The following CELA1 variants were observed in gnomAD, a reference collection of about 807,000 sequenced individuals.
CELA1 encodes the protein chymotrypsin like elastase 1, also known as chymotrypsin-like elastase family member 1.
A neutral mutation model predicts 34.8 loss-of-function variants in CELA1; 28 were observed. That is an observed-to-expected ratio of 0.80 (90% CI 0.60 to 1.10). The LOEUF (loss-of-function observed/expected upper bound fraction) is 1.10. CELA1 is among the 50% of genes least tolerant of loss of function. CELA1 has a pLI of 0.00. For synonymous variants in CELA1, 140 were observed against 129.8 expected, an observed-to-expected ratio of 1.08 and a Z score of -0.53; for missense variants, 288 against 327.5, an observed-to-expected ratio of 0.88 and a Z score of 0.93.
chr12:51,330,717 T>C (rs1946464195), intron 6 of CELA1, among the ~76,000 whole-genome samples: 1 of 152,204 alleles, frequency 6.6e-6, no homozygotes, highest in Admixed American at 6.5e-5. Context: ...ATGCCTGTAA[T>C]CCCAGCACTT....
At chr12:51,343,124 T>C (rs752908096) in intron 3 of CELA1, among the ~76,000 whole-genome samples, 1 of 152,176 alleles carries the variant, frequency 6.6e-6, no homozygotes, top group Non-Finnish European at 1.5e-5. Context: ...CTGAATATCT[T>C]GTAAACTGGG....
intron 6 of CELA1, among the ~76,000 whole-genome samples, chr12:51,330,108 C>T (rs1370980708): frequency 6.6e-6 from 1 of 152,154 alleles, no homozygotes; most frequent in Non-Finnish European, 1.5e-5. Context: ...TATGAGCTTC[C>T]TGAGACAAAA....
intron 2 of CELA1, among the ~76,000 whole-genome samples, 182 bp downstream of exon 2, chr12:51,345,613 C>G (rs981552193): frequency 2.3e-4 from 35 of 152,226 alleles, no homozygotes; most frequent in Non-Finnish European, 5.9e-5. Context: ...TAAATCCCCT[C>G]CTCCAAGCCT....
chr12:51,334,732 C>T (rs1396545957), intron 6 of CELA1, among the ~76,000 whole-genome samples: 1 of 152,246 alleles, frequency 6.6e-6, no homozygotes, highest in Non-Finnish European at 1.5e-5. Context: ...CTGCGCCTGG[C>T]CTAATCCTTT....
chr12:51,345,125 C>CA (rs34904841), intron 2 of CELA1, among the ~76,000 whole-genome samples: 268 of 147,298 alleles, frequency 1.8e-3, no homozygotes, highest in South Asian at 5.4e-3. Flanking sequence ...AACTCCATCT[C>CA]AAAAAAAAAA....
intron 7 of CELA1, 127 bp downstream of exon 7, chr12:51,329,557 A>G: frequency 1.0e-6 from 1 of 979,644 alleles, no homozygotes; most frequent in Non-Finnish European, 1.5e-6. Flanking sequence ...AAGGGAAGGG[A>G]GTAAACACAT....
chr12:51,332,503 C>G (rs763667488), intron 6 of CELA1, among the ~76,000 whole-genome samples: 6 of 152,120 alleles, frequency 3.9e-5, no homozygotes, highest in Non-Finnish European at 5.9e-5. Context: ...GGTGGGAGAA[C>G]TAGAGTAGCT....
chr12:51,341,803 ATTAT>A (rs1946537234), intron 4 of CELA1, among the ~76,000 whole-genome samples: 1 of 152,072 alleles, frequency 6.6e-6, no homozygotes, highest in African/African-American at 2.4e-5. Context: ...CACCGTTTTA[ATTAT>A]TTATTTTCCA....
At chr12:51,341,494 T>C in intron 4 of CELA1, 114 bp from the exon 5 acceptor site, 1 of 1,171,314 alleles carries the variant, frequency 8.5e-7, no homozygotes, top group Non-Finnish European at 1.2e-6. Flanking sequence ...AGTGACGACT[T>C]TGAAGAAGGA....
At position 51,329,011 on chromosome 12, in the gene CELA1, CT is replaced by C. The variant is rs17860368; in HGVS notation, c.760-418del. The stretch of plus-strand genomic sequence containing the variant: ...GTGGCTCATGCCTGTAATCCCAGCA[CT>C]TTGGGTGGCAGGTGGATCACTTGAG... On this transcript the variant is annotated intron_variant, in intron 7 of 7. Coordinates refer to ENST00000293636, the MANE Select transcript of CELA1 (RefSeq NM_001971.6). Among the ~76,000 whole-genome samples the C allele has an allele frequency of 9.1e-3, 1,382 of 152,174 alleles. 55 individuals carry two copies. The East Asian group carries it at 0.14, about 15-fold the overall frequency.
intron 2 of CELA1, among the ~76,000 whole-genome samples, 198 bp downstream of exon 2, chr12:51,345,597 G>A (rs1223138002): frequency 6.6e-6 from 1 of 152,128 alleles, no homozygotes; most frequent in Non-Finnish European, 1.5e-5. Context: ...GACTGTGGTT[G>A]GTGTATAAAT....
intron 6 of CELA1, among the ~76,000 whole-genome samples, chr12:51,332,496 G>C (rs1946475949): frequency 6.6e-6 from 1 of 152,198 alleles, no homozygotes; most frequent in African/African-American, 2.4e-5. Context: ...CCCATGGGGT[G>C]GGAGAACTAG....
At chr12:51,338,675 C>T (rs1315542084) in intron 6 of CELA1, among the ~76,000 whole-genome samples, 3 of 152,194 alleles carry the variant, frequency 2.0e-5, no homozygotes, top group Admixed American at 2.0e-4. Context: ...TAACACTTAA[C>T]CACATTGTAT....
chr12:51,345,344 C>G (rs1443144441), intron 2 of CELA1, among the ~76,000 whole-genome samples: 1 of 152,190 alleles, frequency 6.6e-6, no homozygotes, highest in African/African-American at 2.4e-5. Context: ...CCCAGCTGCC[C>G]TGTTAGCAAA....
At chr12:51,343,617 C>T in intron 3 of CELA1, 136 bp downstream of exon 3, 1 of 599,750 alleles carries the variant, frequency 1.7e-6, no homozygotes, top group Non-Finnish European at 3.0e-6. Context: ...TACCTCCCTG[C>T]AGGCCCTGAA....
chr12:51,337,595 T>G (rs1946508240), intron 6 of CELA1, among the ~76,000 whole-genome samples: 1 of 149,908 alleles, frequency 6.7e-6, no homozygotes, highest in Non-Finnish European at 1.5e-5. Flanking sequence ...TGAGCAACTG[T>G]GACTGTGTTC....
At chr12:51,343,592 G>A (rs533182523) in intron 3 of CELA1, among the ~76,000 whole-genome samples, 161 bp downstream of exon 3, 3 of 152,196 alleles carry the variant, frequency 2.0e-5, no homozygotes, top group Non-Finnish European at 2.9e-5. Flanking sequence ...TCCAAAGTTT[G>A]TACTTTCACC....
intron 6 of CELA1, among the ~76,000 whole-genome samples, chr12:51,338,296 A>ACG (rs1946512945): frequency 2.5e-5 from 1 of 40,596 alleles, no homozygotes; most frequent in Non-Finnish European, 5.3e-5. Flanking sequence ...ACATACACAT[A>ACG]CGCATACATA....
In CELA1 at chr12:51,342,630, T is replaced by G; in HGVS notation, c.271A>C (p.Ser91Arg). ...SQNDGTEQYV[S>R]VQKIVVHPYW... ...GGATGCACCACGATCTTCTGCACAC[T>G]CACGTACTGCTCAGTGCCATCATTC... is the stretch of plus-strand genomic sequence containing the variant. Residue 91 changes from serine to arginine, a missense_variant, in exon 4 of 8, where the codon AGT (serine) becomes CGT (arginine). By Grantham distance (110) the Ser-to-Arg change is moderately radical. Coordinates refer to ENST00000293636, the MANE Select transcript of CELA1 (RefSeq NM_001971.6). The G allele has an allele frequency of 6.2e-7, 1 of 1,614,112 alleles. No individual in the cohort carries two copies. Among genetic ancestry groups the G allele is most frequent in the South Asian group, 1.1e-5 (1 of 91,082 alleles).
Sources: allele counts gnomAD v4.1 joint callset (sites outside exome capture counted in the v4.1 genomes callset), GRCh38; gene constraint gnomAD v4.1.1; transcripts MANE v1.5; gene names NCBI Gene and HGNC (gene_info 2026-07-23, HGNC 2026-07-21).